RAD51B: variants seen among roughly 807,000 people sequenced by gnomAD.
RAD51B encodes the protein RAD51 paralog B, also known as DNA repair protein RAD51 homolog 2.
RAD51B carries 38 observed loss-of-function variants against 42.2 expected under a neutral mutation model. The ratio of observed to expected loss-of-function variants is 0.90; its 90% confidence interval spans 0.70 to 1.18. RAD51B has a LOEUF of 1.18. Among genes scored for constraint, RAD51B ranks in the 50% most tolerant of loss-of-function variants. The probability of loss-of-function intolerance (pLI) is 0.00; values close to 1 mark genes in which losing one functional copy is unlikely to be tolerated. For synonymous variants in RAD51B, 154 were observed against 145.2 expected, an observed-to-expected ratio of 1.06 and a Z score of -0.43; for missense variants, 373 against 400.7, an observed-to-expected ratio of 0.93 and a Z score of 0.59.
At chr14:68,451,335 A>T (rs1385502636) in intron 9 of RAD51B, among the ~76,000 whole-genome samples, 3 of 152,344 alleles carry the variant, frequency 2.0e-5, no homozygotes, top group South Asian at 2.1e-4. Flanking sequence ...TAATTCCCTT[A>T]TAATAGTTGA....
At chr14:68,205,242 T>C (rs1010644816) in intron 7 of RAD51B, among the ~76,000 whole-genome samples, 3 of 152,320 alleles carry the variant, frequency 2.0e-5, no homozygotes, top group Non-Finnish European at 4.4e-5. Context: ...AGTGACAGAA[T>C]GAAAATAATA....
chr14:68,128,706 TG>T (rs1003256366), intron 7 of RAD51B, among the ~76,000 whole-genome samples: 91 of 151,774 alleles, frequency 6.0e-4, no homozygotes, highest in African/African-American at 2.1e-3. Flanking sequence ...AAAACGTGAG[TG>T]GGGGGGCTTG....
At chr14:68,494,505 CTGAAAGACGG>C (rs1454308111) in intron 10 of RAD51B, among the ~76,000 whole-genome samples, 1 of 152,150 alleles carries the variant, frequency 6.6e-6, no homozygotes, top group African/African-American at 2.4e-5. Context: ...AAGGCTATCT[CTGAAAGACGG>C]TGAACTGGGG....
intron 7 of RAD51B, among the ~76,000 whole-genome samples, chr14:67,954,667 A>G (rs1363431081): frequency 1.3e-5 from 2 of 152,130 alleles, no homozygotes; most frequent in Admixed American, 1.3e-4. Flanking sequence ...AACACAGACT[A>G]CTCTTTCAAG....
chr14:68,528,190 C>A (rs1358868531), intron 10 of RAD51B, among the ~76,000 whole-genome samples: 1 of 152,170 alleles, frequency 6.6e-6, no homozygotes, highest in Admixed American at 6.5e-5. Context: ...TGGTTTCTAG[C>A]CCATCATAAC....
At chr14:67,912,486 G>C (rs139281531) in intron 7 of RAD51B, among the ~76,000 whole-genome samples, 25 of 152,276 alleles carry the variant, frequency 1.6e-4, no homozygotes, top group African/African-American at 5.8e-4. Flanking sequence ...CCCACGGCTG[G>C]TGCTCCCAAA....
chr14:68,590,683 C>A (rs1282798149), intron 10 of RAD51B, among the ~76,000 whole-genome samples: 1 of 152,178 alleles, frequency 6.6e-6, no homozygotes, highest in East Asian at 1.9e-4. Flanking sequence ...TGAAGTTAGA[C>A]CCATTACCCA....
At chr14:68,117,201 T>C (rs947378391) in intron 7 of RAD51B, among the ~76,000 whole-genome samples, 1 of 152,174 alleles carries the variant, frequency 6.6e-6, no homozygotes. Context: ...TGGGTAATTG[T>C]TTATATATAT....
At chr14:68,135,262 G>A (rs539202902) in intron 7 of RAD51B, among the ~76,000 whole-genome samples, 39 of 152,100 alleles carry the variant, frequency 2.6e-4, no homozygotes, top group Non-Finnish European at 4.3e-4. Flanking sequence ...TAATAACACC[G>A]GAAAGAGGAC....
At chr14:68,197,515 T>C (rs1451252732) in intron 7 of RAD51B, among the ~76,000 whole-genome samples, 2 of 152,178 alleles carry the variant, frequency 1.3e-5, no homozygotes, top group Non-Finnish European at 2.9e-5. Flanking sequence ...GTTCTGTTTT[T>C]GAAATTGGTG....
intron 7 of RAD51B, among the ~76,000 whole-genome samples, chr14:67,990,985 A>G (rs979419006): frequency 3.3e-5 from 5 of 152,306 alleles, no homozygotes; most frequent in Non-Finnish European, 7.3e-5. Flanking sequence ...ACTCCAGACT[A>G]TATACTAATG....
chr14:68,648,115 ATATATATATACACACACG>A (rs1566963582), intron 10 of RAD51B, among the ~76,000 whole-genome samples: 62 of 81,252 alleles, frequency 7.6e-4, no homozygotes, highest in Admixed American at 3.8e-3. Context: ...ACACACACGT[ATATATATATACACACACG>A]TATATATATA....
intron 10 of RAD51B, among the ~76,000 whole-genome samples, chr14:68,633,824 T>G (rs1892287665): frequency 6.6e-6 from 1 of 152,232 alleles, no homozygotes; most frequent in African/African-American, 2.4e-5. Flanking sequence ...GAGTGGCCTC[T>G]TTTTGGCCAG....
chr14:67,911,027 A>G (rs909933178), intron 7 of RAD51B, among the ~76,000 whole-genome samples: 5 of 152,170 alleles, frequency 3.3e-5, no homozygotes, highest in African/African-American at 1.2e-4. Flanking sequence ...TGTGTTGGCC[A>G]GGCTGGTCTC....
At chr14:67,858,072 G>A (rs1369162609) in intron 4 of RAD51B, 1 of 152,372 alleles carries the variant, frequency 6.6e-6, no homozygotes, top group African/African-American at 2.4e-5. Flanking sequence ...GGGTGCCTGT[G>A]ACCCCGAATC....
At chr14:67,890,448 C>T (rs901004406) in intron 7 of RAD51B, among the ~76,000 whole-genome samples, 1 of 151,018 alleles carries the variant, frequency 6.6e-6, no homozygotes, top group Non-Finnish European at 1.5e-5. Flanking sequence ...GGACTGTAAA[C>T]TTCTTTTTAT....
At chr14:68,426,050 C>T (rs12588900) in intron 9 of RAD51B, among the ~76,000 whole-genome samples, 5 of 136,704 alleles carry the variant, frequency 3.7e-5, no homozygotes, top group Admixed American at 7.9e-5. Context: ...CTCTCTTTCT[C>T]TCTCTCTCTC....
chr14:68,660,281 C>T (rs1170129857), intron 11 of RAD51B, among the ~76,000 whole-genome samples: 4 of 152,184 alleles, frequency 2.6e-5, no homozygotes, highest in African/African-American at 7.2e-5. Flanking sequence ...GGGCTGGACA[C>T]GTGAGACGTG....
intron 10 of RAD51B, chr14:68,627,089 G>A (rs1295665885): frequency 2.6e-5 from 4 of 152,176 alleles, no homozygotes; most frequent in South Asian, 2.1e-4. Context: ...GTCAGAATGC[G>A]GAAGAGAGTG....
Sources: allele counts gnomAD v4.1 joint callset (sites outside exome capture counted in the v4.1 genomes callset), GRCh38; gene constraint gnomAD v4.1.1; transcripts MANE v1.5; gene names NCBI Gene and HGNC (gene_info 2026-07-23, HGNC 2026-07-21).